TIAM2: variants seen among roughly 807,000 people sequenced by gnomAD.
TIAM2 encodes the protein TIAM Rac1 associated GEF 2.
A neutral mutation model predicts 152.9 loss-of-function variants in TIAM2; 80 were observed. The ratio of observed to expected loss-of-function variants is 0.52; its 90% CI spans 0.44 to 0.63. TIAM2 has a LOEUF of 0.63. Among genes scored for constraint, TIAM2 ranks in the 30% least tolerant of loss-of-function variants. TIAM2 has a pLI of 0.00. For synonymous variants in TIAM2, 804 were observed against 838.0 expected (o/e 0.96, Z 0.70); for missense variants, 1,965 against 2,120.1 (o/e 0.93, Z 1.44).
chr6:155,128,502 T>C lies in TIAM2; in HGVS notation c.-6-716T>C, dbSNP rs540127491. Among the ~76,000 whole-genome samples, 12 of 152,260 alleles carry C rather than the reference T, an allele frequency of 7.9e-5. No individual in the cohort carries two copies. In the South Asian group the frequency reaches 2.5e-3, roughly 32 times the overall value. On this transcript the variant is annotated intron_variant, in intron 3 of 26. Transcript: ENST00000682666. ...GTATAATGAAAATGTATCTCTCTGA[T>C]CACTGAGATCTGTGTATTTAGACTG...
chr6:155,220,664 G>A (rs1320534432), intron 15 of TIAM2, among the ~76,000 whole-genome samples: 2 of 152,086 alleles, frequency 1.3e-5, no homozygotes, highest in Non-Finnish European at 2.9e-5. Flanking sequence ...GCAGAGAAGA[G>A]TTTAATGAAA....
intron 14 of TIAM2, among the ~76,000 whole-genome samples, chr6:155,194,399 A>T (rs969334837): frequency 1.3e-5 from 2 of 152,140 alleles, no homozygotes; most frequent in Non-Finnish European, 2.9e-5. Context: ...GTAGGTTAGA[A>T]AGACAGGCAG....
chr6:155,129,186 C>T lies in TIAM2; in HGVS notation c.-6-32C>T, dbSNP rs202227563. 79 of 1,583,696 alleles carry T rather than the reference C, an allele frequency of 5.0e-5. No homozygotes were observed. The highest frequency in any genetic ancestry group is 2.7e-4 in the African/African-American group (20 of 74,234). ...TCATAATGGAATGTAATTTAGGCCA[C>T]GGTCTTACTGATGCAACTGTTCTTA... On this transcript the variant is annotated intron_variant, in intron 3 of 26. Coordinates refer to ENST00000682666, the MANE Select transcript of TIAM2 (RefSeq NM_012454.4). This position sits in a 1 kb window ranked among gnomAD's most constrained non-coding sequence, Gnocchi z 4.8.
chr6:155,005,481 A>C (rs554157745), intron 1 of TIAM2, among the ~76,000 whole-genome samples: 4 of 151,640 alleles, frequency 2.6e-5, no homozygotes, highest in Admixed American at 1.3e-4. Flanking sequence ...CTAGGACTAC[A>C]GGTGTGCACC....
intron 1 of TIAM2, among the ~76,000 whole-genome samples, chr6:155,066,961 T>C (rs1006871507): frequency 2.0e-5 from 3 of 152,186 alleles, no homozygotes; most frequent in Non-Finnish European, 4.4e-5. Context: ...TTTGCTATAT[T>C]AGCCAGACTG....
chr6:155,009,068 C>T (rs1778443935), intron 1 of TIAM2, among the ~76,000 whole-genome samples: 1 of 145,440 alleles, frequency 6.9e-6, no homozygotes, highest in South Asian at 2.3e-4. Flanking sequence ...TGGGTCCTGT[C>T]CTCTGTTTCT....
At chr6:155,045,620 G>T (rs776466343) in intron 1 of TIAM2, among the ~76,000 whole-genome samples, 2 of 152,040 alleles carry the variant, frequency 1.3e-5, no homozygotes, top group Non-Finnish European at 2.9e-5. Context: ...GATAAATTGG[G>T]AGGGTTCCAT....
chr6:155,257,052 T>C lies in TIAM2; in HGVS notation c.5037T>C (p.Ser1679=). 6.2e-7 allele frequency: 1 copy of C among 1,614,192 alleles called. No individual in the cohort carries two copies. ...ATTCTGTTCTAGAGCGAGAATTCAGTGTCCAGAGTTTAACATCTGTTGTCA... is the reference window on the plus strand; with the variant it reads ...ATTCTGTTCTAGAGCGAGAATTCAGCGTCCAGAGTTTAACATCTGTTGTCA... ...DLNSVLEREF[S]VQSLTSVVSE... The change falls in exon 27 of 27, where the codon AGT becomes AGC. Residue 1679 remains serine (S), a synonymous_variant. Coordinates refer to ENST00000682666, the MANE Select transcript of TIAM2 (RefSeq NM_012454.4).
chr6:155,169,274 G>T lies in TIAM2; in HGVS notation c.2361+3865G>T, dbSNP rs567292612. Among the ~76,000 whole-genome samples the T allele has an allele frequency of 4.6e-5, 7 of 152,284 alleles. No individual in the cohort carries two copies. In the East Asian group the frequency reaches 7.7e-4, roughly 17 times the overall value. ...CCTCCCAAAGTGCTGGGATGACAGG[G>T]TGAGCCACAGCACCCGGCCACAAAT... On this transcript the variant is annotated intron_variant, in intron 9 of 26. Coordinates refer to ENST00000682666, the MANE Select transcript of TIAM2 (RefSeq NM_012454.4).
intron 2 of TIAM2, among the ~76,000 whole-genome samples, chr6:155,116,726 G>T (rs9371862): frequency 0.25 from 37,289 of 151,992 alleles, 4,910 homozygotes; most frequent in South Asian, 0.43. Flanking sequence ...AGCGCATGAT[G>T]CTGTTTAAGT....
At chr6:155,001,088 A>T (rs1748670116) in intron 1 of TIAM2, among the ~76,000 whole-genome samples, 2 of 91,210 alleles carry the variant, frequency 2.2e-5, no homozygotes, top group South Asian at 6.7e-4. Context: ...AGTGTAGATC[A>T]TCAAAGGTGG....
intron 1 of TIAM2, among the ~76,000 whole-genome samples, chr6:155,044,468 C>T (rs549447628): frequency 6.6e-6 from 1 of 152,236 alleles, no homozygotes; most frequent in Admixed American, 6.5e-5. Flanking sequence ...GGGAAACTTT[C>T]TTCATGTATA....
At chr6:155,024,627 CAA>C (rs1776561602) in intron 1 of TIAM2, among the ~76,000 whole-genome samples, 1 of 138,224 alleles carries the variant, frequency 7.2e-6, no homozygotes, top group South Asian at 2.4e-4. Flanking sequence ...TAGGGACACT[CAA>C]ATGTGGTATA....
intron 15 of TIAM2, among the ~76,000 whole-genome samples, chr6:155,231,465 C>T (rs1028674480): frequency 6.6e-6 from 1 of 152,162 alleles, no homozygotes; most frequent in African/African-American, 2.4e-5. Flanking sequence ...AATGGTTTGT[C>T]CTCAACTTTA....
chr6:155,243,846 C>CAAAAAAA lies in TIAM2; in HGVS notation c.3349-140_3349-134dup, dbSNP rs59365890. 3.1e-4 allele frequency among the ~76,000 whole-genome samples: 17 copies of CAAAAAAA among 55,050 alleles called. 1 individual carries two copies. The highest frequency in any genetic ancestry group is 1.2e-3 in the African/African-American group (15 of 12,392). The allele number at this position is 55,050 out of a possible 152,430, so 36.1% of individuals were successfully genotyped here. The stretch of plus-strand genomic sequence containing the variant: ...TGGGTGACAGAGCAAGACTCCGTCT[C>CAAAAAAA]AAAAAAAAAAAAAAAAAAAAAAAAA... On this transcript the variant is annotated intron_variant, in intron 16 of 26. Transcript: ENST00000682666.
At position 155,256,841 on chromosome 6, in the gene TIAM2, A is replaced by G; in HGVS notation, c.4826A>G (p.Gln1609Arg). The G allele has an allele frequency of 1.2e-6, 2 of 1,613,904 alleles. No homozygotes were observed. Among genetic ancestry groups the G allele is most frequent in the East Asian group, 2.2e-5 (1 of 44,886 alleles). The change falls in exon 27 of 27, where the codon CAG becomes CGG. Residue 1609 changes from glutamine to arginine, a missense_variant. Coordinates refer to ENST00000682666, the MANE Select transcript of TIAM2 (RefSeq NM_012454.4). ...CCAGACGTTCACCCCGAGGCTGAGCAGCAGCCTGGCCCGGAGTCGGGTGAG... is the reference window on the plus strand; with the variant it reads ...CCAGACGTTCACCCCGAGGCTGAGCGGCAGCCTGGCCCGGAGTCGGGTGAG... ...EDPDVHPEAE[Q>R]QPGPESGEGQ...
intron 1 of TIAM2, among the ~76,000 whole-genome samples, chr6:155,078,881 C>T (rs1436890556): frequency 6.6e-6 from 1 of 152,180 alleles, no homozygotes; most frequent in Non-Finnish European, 1.5e-5. Context: ...TCCCTTTAAG[C>T]TGGATCCCAA....
intron 1 of TIAM2, among the ~76,000 whole-genome samples, chr6:155,086,398 C>T (rs560984702): frequency 7.6e-4 from 116 of 152,274 alleles, no homozygotes; most frequent in African/African-American, 2.7e-3. Context: ...TGCTTAAAAT[C>T]ATTTCCATCC....
chr6:155,054,859 T>A (rs1777407461), intron 1 of TIAM2, among the ~76,000 whole-genome samples: 2 of 152,196 alleles, frequency 1.3e-5, no homozygotes, highest in African/African-American at 4.8e-5. Flanking sequence ...TGAGTTTTTA[T>A]GACATTGGTG....
Sources: gnomAD v4.1 joint callset for allele counts (sites outside exome capture counted in the v4.1 genomes callset) on GRCh38, gnomAD v4.1.1 for gene constraint, Gnocchi (gnomAD v3.1) non-coding constraint, MANE v1.5 for transcripts, NCBI Gene and HGNC (gene_info 2026-07-23, HGNC 2026-07-21) for gene names.